Variants in AFF1 observed in about 807,000 individuals in gnomAD.
AFF1 encodes the protein ALF transcription elongation factor 1.
AFF1 carries 48 observed loss-of-function variants against 121.7 expected under a neutral mutation model. The ratio of observed to expected loss-of-function variants is 0.39; its 90% CI spans 0.31 to 0.50. AFF1 has a LOEUF of 0.50. Ranked by LOEUF, AFF1 falls within the 20% of genes least tolerant of loss-of-function variation. The probability of loss-of-function intolerance (pLI) is 0.76; values close to 1 mark genes in which losing one functional copy is unlikely to be tolerated. For synonymous variants in AFF1, 613 were observed against 563.0 expected (o/e 1.09, Z -1.26); for missense variants, 1,523 against 1,511.7 (o/e 1.01, Z -0.12).
At chr4:86,978,026 T>C (rs1383521219) in intron 2 of AFF1, among the ~76,000 whole-genome samples, 1 of 152,098 alleles carries the variant, frequency 6.6e-6, no homozygotes, top group Non-Finnish European at 1.5e-5. Flanking sequence ...TGGTTGCTGA[T>C]AGGTTTAATG....
chr4:86,952,190 C>T (rs1344521077), intron 2 of AFF1, among the ~76,000 whole-genome samples: 1 of 152,080 alleles, frequency 6.6e-6, no homozygotes. Context: ...TCATGCTTCT[C>T]AGTGTATTCT....
chr4:86,949,531 A>AT (rs1721122858), intron 2 of AFF1: 2 of 315,116 alleles, frequency 6.3e-6, no homozygotes, highest in African/African-American at 9.1e-5. Context: ...AATTATTATT[A>AT]TTATTATTTT....
Position 87,067,199 on chromosome 4 carries a change from G to T in AFF1, c.1060-16921G>T, listed in dbSNP as rs554676329. ...TGAGGCTTTTGTGCCATGGTAAGAT[G>T]GTAAAACAATAAAAATAACATCTGC... On this transcript the variant is annotated intron_variant, in intron 4 of 20. Coordinates refer to ENST00000395146, the MANE Select transcript of AFF1 (RefSeq NM_001166693.3). Among the ~76,000 whole-genome samples, 10 of 152,224 alleles carry T rather than the reference G, an allele frequency of 6.6e-5. No homozygotes were observed. In the East Asian group the frequency reaches 1.9e-3, roughly 29 times the overall value.
intron 2 of AFF1, among the ~76,000 whole-genome samples, chr4:87,037,610 G>C (rs1305639133): frequency 2.0e-5 from 3 of 152,058 alleles, no homozygotes; most frequent in African/African-American, 7.2e-5. Flanking sequence ...ACTGCTCTCG[G>C]CCCTGCTTGG....
chr4:87,134,525 A>G lies in AFF1; in HGVS notation c.3366A>G (p.Val1122=). 6.2e-7 allele frequency: 1 copy of G among 1,613,624 alleles called. No individual in the cohort carries two copies. Among genetic ancestry groups the G allele is most frequent in the South Asian group, 1.1e-5 (1 of 91,020 alleles). ...CAATGCCTTCTCCTGCCAGCTCCGTAGGGTCCCAGTCAAGTGCTGGCAGTG... is the reference window on the plus strand; with the variant it reads ...CAATGCCTTCTCCTGCCAGCTCCGTGGGGTCCCAGTCAAGTGCTGGCAGTG... The part of the protein sequence containing the change: ...LSPMPSPASS[V]GSQSSAGSVG... Residue 1122 remains valine, a synonymous_variant, in exon 20 of 21, where the codon GTA becomes GTG. Coordinates refer to ENST00000395146, the MANE Select transcript of AFF1 (RefSeq NM_001166693.3).
intron 5 of AFF1, among the ~76,000 whole-genome samples, chr4:87,085,345 A>G: frequency 6.7e-6 from 1 of 150,160 alleles, no homozygotes; most frequent in East Asian, 1.9e-4. Flanking sequence ...GGTTTTGTGT[A>G]TTTTTTATCC....
chr4:86,954,866 C>T (rs1482274408), intron 2 of AFF1, among the ~76,000 whole-genome samples: 2 of 152,186 alleles, frequency 1.3e-5, no homozygotes, highest in Non-Finnish European at 2.9e-5. Context: ...AAATCCATGT[C>T]AATGGACTTG....
At chr4:87,092,629 A>G (rs1724430376) in intron 7 of AFF1, among the ~76,000 whole-genome samples, 1 of 152,112 alleles carries the variant, frequency 6.6e-6, no homozygotes, top group South Asian at 2.1e-4. Flanking sequence ...CTAGTATTCT[A>G]CAAAGTATAG....
chr4:87,123,048 C>T (rs1727871860), intron 12 of AFF1, among the ~76,000 whole-genome samples: 1 of 152,032 alleles, frequency 6.6e-6, no homozygotes, highest in Admixed American at 6.6e-5. Context: ...CACGCACCAC[C>T]ACACTCGACT....
intron 2 of AFF1, among the ~76,000 whole-genome samples, chr4:87,006,079 G>A (rs574220910): frequency 6.6e-6 from 1 of 152,148 alleles, no homozygotes. Flanking sequence ...CAGCATTGTC[G>A]TTTTAGTGCC....
chr4:87,054,455 A>G (rs980720600), intron 4 of AFF1, among the ~76,000 whole-genome samples: 1 of 152,162 alleles, frequency 6.6e-6, no homozygotes, highest in African/African-American at 2.4e-5. Flanking sequence ...CATGTTTTTC[A>G]TTGTTCTGCC....
chr4:87,046,362 A>C, intron 3 of AFF1, 76 bp downstream of exon 3: 1 of 1,531,010 alleles, frequency 6.5e-7, no homozygotes. Context: ...ATTCAGTATA[A>C]TTGAGTTCGA....
intron 2 of AFF1, among the ~76,000 whole-genome samples, chr4:87,004,736 A>T (rs562270075): frequency 6.6e-6 from 1 of 152,360 alleles, no homozygotes; most frequent in South Asian, 2.1e-4. Flanking sequence ...GGGATGCCCA[A>T]CCCAAACAGA....
At chr4:86,940,565 AT>A (rs1473224222) in intron 1 of AFF1, among the ~76,000 whole-genome samples, 1 of 151,912 alleles carries the variant, frequency 6.6e-6, no homozygotes, top group Non-Finnish European at 1.5e-5. Context: ...CGACCAGCTA[AT>A]TTTTGTATTT....
intron 1 of AFF1, among the ~76,000 whole-genome samples, chr4:86,947,724 AAGAC>A (rs1720966952): frequency 6.6e-6 from 1 of 152,156 alleles, no homozygotes; most frequent in Non-Finnish European, 1.5e-5. Context: ...AGATAGTACC[AAGAC>A]TATCTGCCCA....
At chr4:87,118,309 C>T (rs76201895) in intron 12 of AFF1, among the ~76,000 whole-genome samples, 7 of 151,578 alleles carry the variant, frequency 4.6e-5, no homozygotes, top group South Asian at 2.1e-4. Context: ...GAAATGCACA[C>T]GTTTTTTTAC....
chr4:87,107,476 C>T (rs374104590), intron 10 of AFF1, among the ~76,000 whole-genome samples: 8 of 152,282 alleles, frequency 5.3e-5, no homozygotes, highest in East Asian at 3.9e-4. Context: ...AAGCCACTTA[C>T]GAAGAATGGT....
At chr4:87,024,540 G>C (rs1728337431) in intron 2 of AFF1, among the ~76,000 whole-genome samples, 1 of 152,118 alleles carries the variant, frequency 6.6e-6, no homozygotes, top group Non-Finnish European at 1.5e-5. Context: ...TATGTGGATG[G>C]AACCTTTTTG....
At chr4:86,985,472 C>T (rs1187393430) in intron 2 of AFF1, among the ~76,000 whole-genome samples, 1 of 148,202 alleles carries the variant, frequency 6.7e-6, no homozygotes, top group African/African-American at 2.5e-5. Flanking sequence ...GATCATTGCA[C>T]TCCAGCCCGG....
Sources: gnomAD v4.1 joint callset for allele counts (sites outside exome capture counted in the v4.1 genomes callset) on GRCh38, gnomAD v4.1.1 for gene constraint, MANE v1.5 for transcripts, NCBI Gene and HGNC (gene_info 2026-07-23, HGNC 2026-07-21) for gene names.